The following FSHR variants were observed in gnomAD, a reference collection of about 807,000 sequenced individuals.
FSHR encodes follicle-stimulating hormone receptor.
In FSHR, 46 loss-of-function variants were observed where a neutral mutation model predicts 52.1. The ratio of observed to expected loss-of-function variants is 0.88; its 90% CI spans 0.70 to 1.13. The LOEUF (loss-of-function observed/expected upper bound fraction) is 1.13. Ranked by LOEUF, FSHR falls within the 50% of genes most tolerant of loss-of-function variation. The pLI is 0.00. For synonymous variants in FSHR, 399 were observed against 309.6 expected (o/e 1.29, Z -3.03); for missense variants, 964 against 834.6 (o/e 1.16, Z -1.91).
At chr2:49,072,689 A>C (rs1572706944) in intron 1 of FSHR, among the ~76,000 whole-genome samples, 1 of 152,170 alleles carries the variant, frequency 6.6e-6, no homozygotes, top group Non-Finnish European at 1.5e-5. Flanking sequence ...ACTAACTTGC[A>C]ATTTTGCAAT....
At chr2:49,016,094 T>A (rs144647119) in intron 4 of FSHR, among the ~76,000 whole-genome samples, 1 of 152,216 alleles carries the variant, frequency 6.6e-6, no homozygotes, top group African/African-American at 2.4e-5. Flanking sequence ...AGGCACATGA[T>A]GGCCCAGTGT....
intron 2 of FSHR, among the ~76,000 whole-genome samples, chr2:49,064,396 T>C (rs1414303058): frequency 2.0e-5 from 3 of 152,016 alleles, no homozygotes; most frequent in Non-Finnish European, 2.9e-5. Context: ...AAAAGGGCTT[T>C]TGGGAGTGGG....
intron 8 of FSHR, among the ~76,000 whole-genome samples, chr2:48,981,680 A>G (rs1358942677): frequency 6.6e-6 from 1 of 152,132 alleles, no homozygotes; most frequent in African/African-American, 2.4e-5. Context: ...ATCACAACAC[A>G]CCCTTTATCA....
At chr2:49,083,937 G>A (rs199686035) in intron 1 of FSHR, among the ~76,000 whole-genome samples, 8,258 of 151,692 alleles carry the variant, frequency 0.054, 505 homozygotes, top group East Asian at 0.22. Flanking sequence ...ACAGATCAAC[G>A]AGACAGAAAG....
intron 1 of FSHR, among the ~76,000 whole-genome samples, chr2:49,093,337 A>G (rs1236911048): frequency 6.6e-6 from 1 of 152,178 alleles, no homozygotes; most frequent in African/African-American, 2.4e-5. Flanking sequence ...TCCTCATTTC[A>G]GTTGTATCAG....
At chr2:49,041,332 G>A (rs572866746) in intron 2 of FSHR, among the ~76,000 whole-genome samples, 19 of 152,204 alleles carry the variant, frequency 1.2e-4, no homozygotes, top group Non-Finnish European at 2.2e-4. Context: ...CAATGAACAC[G>A]CCTTTGCTGT....
chr2:49,149,762 G>A (rs980542302), intron 1 of FSHR, among the ~76,000 whole-genome samples: 1 of 151,828 alleles, frequency 6.6e-6, no homozygotes, highest in African/African-American at 2.4e-5. Flanking sequence ...GAAAAAATAA[G>A]GAATGTAAGC....
chr2:49,018,278 C>T (rs1667561576), intron 3 of FSHR, among the ~76,000 whole-genome samples: 1 of 152,166 alleles, frequency 6.6e-6, no homozygotes. Flanking sequence ...TCTTGATCAA[C>T]AGTCTGGAAG....
At chr2:49,126,222 G>T (rs1671991350) in intron 1 of FSHR, among the ~76,000 whole-genome samples, 1 of 152,164 alleles carries the variant, frequency 6.6e-6, no homozygotes, top group Non-Finnish European at 1.5e-5. Context: ...AAAAGTCCAA[G>T]AGTGAGGGTC....
At chr2:48,978,967 G>T (rs941361172) in intron 8 of FSHR, among the ~76,000 whole-genome samples, 1 of 152,196 alleles carries the variant, frequency 6.6e-6, no homozygotes, top group African/African-American at 2.4e-5. Context: ...GAGGGAGGAA[G>T]ATTCACCACA....
At chr2:49,076,822 C>T (rs1669966401) in intron 1 of FSHR, among the ~76,000 whole-genome samples, 1 of 152,206 alleles carries the variant, frequency 6.6e-6, no homozygotes, top group Non-Finnish European at 1.5e-5. Flanking sequence ...CCAACCGATG[C>T]AGGGTTGAAA....
chr2:49,028,328 GC>G (rs1159458622), intron 2 of FSHR, among the ~76,000 whole-genome samples: 1 of 152,184 alleles, frequency 6.6e-6, no homozygotes, highest in African/African-American at 2.4e-5. Flanking sequence ...TCTCATCAGG[GC>G]CCTGCTGACT....
At chr2:49,003,277 C>G (rs1355246807) in intron 4 of FSHR, among the ~76,000 whole-genome samples, 1 of 152,140 alleles carries the variant, frequency 6.6e-6, no homozygotes, top group Non-Finnish European at 1.5e-5. Flanking sequence ...CCACTCCGGC[C>G]CACATTCTCA....
chr2:48,990,249 G>A (rs1395724998), intron 5 of FSHR, among the ~76,000 whole-genome samples: 1 of 152,030 alleles, frequency 6.6e-6, no homozygotes, highest in Non-Finnish European at 1.5e-5. Flanking sequence ...CTGGAATACA[G>A]GGGGTGTTGT....
At chr2:49,010,369 G>C (rs903711021) in intron 4 of FSHR, among the ~76,000 whole-genome samples, 3 of 151,092 alleles carry the variant, frequency 2.0e-5, no homozygotes, top group Non-Finnish European at 4.4e-5. Context: ...TGCATCCCAG[G>C]GATGAAGCCC....
intron 1 of FSHR, among the ~76,000 whole-genome samples, chr2:49,088,816 A>G (rs916569629): frequency 2.6e-5 from 4 of 151,072 alleles, no homozygotes; most frequent in South Asian, 4.2e-4. Flanking sequence ...TGAAGTCACA[A>G]GGAAAGCTGA....
At chr2:49,104,318 T>C (rs1252158721) in intron 1 of FSHR, among the ~76,000 whole-genome samples, 5 of 152,110 alleles carry the variant, frequency 3.3e-5, no homozygotes, top group Non-Finnish European at 5.9e-5. Context: ...AGGATTGCTA[T>C]GTGTTGGGTG....
At chr2:49,093,199 T>C (rs754691246) in intron 1 of FSHR, among the ~76,000 whole-genome samples, 11 of 152,222 alleles carry the variant, frequency 7.2e-5, no homozygotes, top group Non-Finnish European at 1.5e-4. Context: ...CTGGGAAATA[T>C]CAATTAGATT....
At chr2:49,092,712 G>C (rs1364000897) in intron 1 of FSHR, among the ~76,000 whole-genome samples, 2 of 152,006 alleles carry the variant, frequency 1.3e-5, no homozygotes, top group African/African-American at 4.8e-5. Flanking sequence ...TGTCACACAG[G>C]CTGGAGTGCA....
Sources: gnomAD v4.1 joint callset for allele counts (sites outside exome capture counted in the v4.1 genomes callset) on GRCh38, gnomAD v4.1.1 for gene constraint, MANE v1.5 for transcripts, NCBI Gene and HGNC (gene_info 2026-07-23, HGNC 2026-07-21) for gene names.